The following CERS6 variants were observed in gnomAD, a reference collection of about 807,000 sequenced individuals.
The protein encoded by CERS6 is LAG1 homolog, ceramide synthase 6.
CERS6 carries 26 observed loss-of-function variants against 56.8 expected under a neutral mutation model. The ratio of observed to expected loss-of-function variants is 0.46; its 90% CI spans 0.34 to 0.63. CERS6 has a LOEUF of 0.63. Ranked by LOEUF, CERS6 falls within the 30% of genes least tolerant of loss-of-function variation. The pLI, the probability that CERS6 is intolerant of heterozygous loss-of-function variation, is 0.01. For missense variants in CERS6, 415 were observed against 467.5 expected, an observed-to-expected ratio of 0.89 and a Z score of 1.04; for synonymous variants, 164 against 173.3, an observed-to-expected ratio of 0.95 and a Z score of 0.42.
intron 4 of CERS6, among the ~76,000 whole-genome samples, chr2:168,659,325 A>G (rs1434679087): frequency 6.6e-6 from 1 of 152,256 alleles, no homozygotes; most frequent in African/African-American, 2.4e-5. Flanking sequence ...TGAAAATAAC[A>G]AAAATCTCCT....
intron 6 of CERS6, among the ~76,000 whole-genome samples, chr2:168,707,939 G>A (rs894992104): frequency 1.3e-5 from 2 of 152,082 alleles, no homozygotes; most frequent in African/African-American, 4.8e-5. Flanking sequence ...TTATTCTGAT[G>A]TGAATTTCTG....
chr2:168,496,880 CCTAGT>C (rs1436106979), intron 1 of CERS6, among the ~76,000 whole-genome samples: 17 of 152,090 alleles, frequency 1.1e-4, no homozygotes, highest in Non-Finnish European at 1.9e-4. Flanking sequence ...GTTTGATGTA[CCTAGT>C]CTAACATTTT....
At chr2:168,677,683 G>A (rs1355791399) in intron 4 of CERS6, among the ~76,000 whole-genome samples, 1 of 152,062 alleles carries the variant, frequency 6.6e-6, no homozygotes. Context: ...TTTTAGTAGA[G>A]ACAGGGTTTC....
At chr2:168,571,797 T>C (rs142745651) in intron 3 of CERS6, among the ~76,000 whole-genome samples, 2 of 152,306 alleles carry the variant, frequency 1.3e-5, no homozygotes, top group East Asian at 3.9e-4. Flanking sequence ...ACCTCAAGCG[T>C]TTATCCTTTG....
chr2:168,467,136 C>T (rs1305794482), intron 1 of CERS6, among the ~76,000 whole-genome samples: 1 of 152,154 alleles, frequency 6.6e-6, no homozygotes, highest in African/African-American at 2.4e-5. Context: ...ACGGGGAAGT[C>T]TTTGAGAGAA....
intron 8 of CERS6, among the ~76,000 whole-genome samples, chr2:168,719,251 G>A (rs1200229451): frequency 1.3e-5 from 2 of 152,186 alleles, no homozygotes; most frequent in African/African-American, 4.8e-5. Flanking sequence ...TTTGGGGTAT[G>A]GGGTGGGGGA....
chr2:168,747,072 A>G (rs1297519361), intron 8 of CERS6, among the ~76,000 whole-genome samples: 1 of 151,874 alleles, frequency 6.6e-6, no homozygotes, highest in Non-Finnish European at 1.5e-5. Context: ...ACTGTACGTA[A>G]TTTTTAATCT....
At chr2:168,631,317 C>T (rs77892458) in intron 4 of CERS6, among the ~76,000 whole-genome samples, 3,180 of 146,748 alleles carry the variant, frequency 0.022, 107 homozygotes, top group African/African-American at 0.07. Flanking sequence ...ACATCAATCA[C>T]ACAATTTGAA....
At chr2:168,678,733 C>G (rs948987955) in intron 4 of CERS6, among the ~76,000 whole-genome samples, 1 of 152,022 alleles carries the variant, frequency 6.6e-6, no homozygotes, top group African/African-American at 2.4e-5. Context: ...GTATTAGTCA[C>G]TAATTGGGAA....
At chr2:168,714,408 C>T (rs1378729135) in intron 6 of CERS6, among the ~76,000 whole-genome samples, 1 of 152,194 alleles carries the variant, frequency 6.6e-6, no homozygotes, top group Non-Finnish European at 1.5e-5. Context: ...ACTGTCCCTT[C>T]ATAGATGCCA....
At chr2:168,581,729 T>G (rs1683416272) in intron 3 of CERS6, among the ~76,000 whole-genome samples, 1 of 152,208 alleles carries the variant, frequency 6.6e-6, no homozygotes, top group Admixed American at 6.5e-5. Flanking sequence ...AGCATAGTTG[T>G]TTTACAATCT....
chr2:168,531,592 C>T (rs572327294), intron 1 of CERS6, among the ~76,000 whole-genome samples: 3 of 152,202 alleles, frequency 2.0e-5, no homozygotes, highest in South Asian at 2.1e-4. Context: ...GAGGCCAAGG[C>T]GGGTGGATCA....
intron 8 of CERS6, among the ~76,000 whole-genome samples, chr2:168,744,040 CAGGCTGGA>C (rs1237881769): frequency 1.5e-5 from 2 of 137,482 alleles, no homozygotes; most frequent in South Asian, 2.3e-4. Flanking sequence ...CTCTGTCACC[CAGGCTGGA>C]AGGCTGGAGT....
At chr2:168,652,516 C>G (rs79894599) in intron 4 of CERS6, among the ~76,000 whole-genome samples, 2,450 of 150,908 alleles carry the variant, frequency 0.016, 99 homozygotes, top group East Asian at 0.16. Context: ...TTTCTAAGTC[C>G]TAAGCCCTTA....
chr2:168,607,980 C>T (rs1047634494), intron 3 of CERS6, among the ~76,000 whole-genome samples: 2 of 152,158 alleles, frequency 1.3e-5, no homozygotes, highest in Non-Finnish European at 2.9e-5. Context: ...AGAGAGAGAA[C>T]CTCAGTTGTG....
chr2:168,483,329 A>G (rs1159492196), intron 1 of CERS6, among the ~76,000 whole-genome samples: 1 of 151,016 alleles, frequency 6.6e-6, no homozygotes, highest in Non-Finnish European at 1.5e-5. Flanking sequence ...CTTGGAGTGT[A>G]GAGTGGAAGC....
intron 4 of CERS6, among the ~76,000 whole-genome samples, chr2:168,635,703 C>T (rs1377176136): frequency 1.3e-5 from 2 of 152,204 alleles, no homozygotes; most frequent in Non-Finnish European, 2.9e-5. Context: ...ATTACATTGA[C>T]TTCATGACTA....
intron 2 of CERS6, among the ~76,000 whole-genome samples, chr2:168,559,043 CTTTA>C (rs1217596886): frequency 6.6e-6 from 1 of 151,996 alleles, no homozygotes; most frequent in African/African-American, 2.4e-5. Context: ...TGAATTTTTT[CTTTA>C]TTAATAAACT....
intron 1 of CERS6, among the ~76,000 whole-genome samples, chr2:168,543,214 T>A (rs1695405204): frequency 6.6e-6 from 1 of 152,256 alleles, no homozygotes; most frequent in Admixed American, 6.5e-5. Context: ...ATATAGTACA[T>A]GAAAGTACTT....
Sources: gnomAD v4.1 joint callset for allele counts (sites outside exome capture counted in the v4.1 genomes callset) on GRCh38, gnomAD v4.1.1 for gene constraint, MANE v1.5 for transcripts, NCBI Gene and HGNC (gene_info 2026-07-23, HGNC 2026-07-21) for gene names.